DNAJB4: variants seen among roughly 807,000 people sequenced by gnomAD.
The protein encoded by DNAJB4 is DnaJ heat shock protein family (Hsp40) member B4.
In DNAJB4, 10 loss-of-function variants were observed where a neutral mutation model predicts 26.6. That is an observed-to-expected ratio of 0.38 (90% CI 0.23 to 0.64). The LOEUF is 0.64. Ranked by LOEUF, DNAJB4 falls within the 30% of genes least tolerant of loss-of-function variation. The pLI, the probability that DNAJB4 is intolerant of heterozygous loss-of-function variation, is 0.58. For missense variants in DNAJB4, 328 were observed against 408.2 expected, an observed-to-expected ratio of 0.80 and a Z score of 1.69; for synonymous variants, 136 against 134.8, an observed-to-expected ratio of 1.01 and a Z score of -0.06.
chr1:77,999,430 GTTTTT>G (rs35421680), intron 1 of DNAJB4, among the ~76,000 whole-genome samples: 1 of 145,138 alleles, frequency 6.9e-6, no homozygotes, highest in East Asian at 2.0e-4. Context: ...CATAGAACAG[GTTTTT>G]TTTTTTTTTA....
At chr1:78,002,434 C>T (rs1353687800), upstream of DNAJB4, among the ~76,000 whole-genome samples, 1 of 152,092 alleles carries the variant, frequency 6.6e-6, no homozygotes, top group African/African-American at 2.4e-5. Context: ...TAAAATATCT[C>T]CAAAATGCTA....
intron 1 of DNAJB4, among the ~76,000 whole-genome samples, chr1:77,987,354 C>T (rs940406570): frequency 3.9e-5 from 6 of 152,192 alleles, no homozygotes; most frequent in Non-Finnish European, 7.3e-5. Context: ...GCCTTGAGCT[C>T]TTGGGCTCAA....
intron 1 of DNAJB4, among the ~76,000 whole-genome samples, chr1:77,998,620 G>A (rs1435381275): frequency 1.3e-5 from 2 of 152,018 alleles, no homozygotes; most frequent in Admixed American, 6.6e-5. Flanking sequence ...TGGGTGGATC[G>A]CTTAAGCCCA....
chr1:77,984,355 G>A (rs1451921333), intron 1 of DNAJB4, among the ~76,000 whole-genome samples: 1 of 152,154 alleles, frequency 6.6e-6, no homozygotes, highest in East Asian at 1.9e-4. Flanking sequence ...CTAAGGCAGA[G>A]TTTCTTAACA....
chr1:77,989,868 G>T (rs1265775954), intron 1 of DNAJB4, among the ~76,000 whole-genome samples: 1 of 152,210 alleles, frequency 6.6e-6, no homozygotes, highest in African/African-American at 2.4e-5. Context: ...CTTTAGGATT[G>T]TAAGAATTTC....
chr1:77,980,286 T>C (rs1238652343), exon 1 of DNAJB4: 4 of 151,942 alleles, frequency 2.6e-5, no homozygotes, highest in Non-Finnish European at 5.9e-5. Flanking sequence ...GGTACTCAAA[T>C]GTAAGATCAT....
chr1:78,001,448 G>T (rs1341762176), upstream of DNAJB4, among the ~76,000 whole-genome samples: 1 of 152,086 alleles, frequency 6.6e-6, no homozygotes, highest in African/African-American at 2.4e-5. Flanking sequence ...GAAGTCATTT[G>T]TCCTCCAGCA....
At chr1:77,992,443 TAAC>T (rs1327944135) in intron 1 of DNAJB4, among the ~76,000 whole-genome samples, 1 of 105,012 alleles carries the variant, frequency 9.5e-6, no homozygotes, top group East Asian at 3.1e-4. Flanking sequence ...AAAAAGAACA[TAAC>T]AAATGAGAAT....
intron 2 of DNAJB4, among the ~76,000 whole-genome samples, chr1:78,013,990 TTA>T (rs1288692908): frequency 1.3e-5 from 2 of 151,978 alleles, no homozygotes; most frequent in Admixed American, 6.6e-5. Flanking sequence ...AGAAAATAAT[TTA>T]TAATTCACTA....
At chr1:77,983,060 G>C (rs1659699145) in intron 1 of DNAJB4, among the ~76,000 whole-genome samples, 1 of 152,178 alleles carries the variant, frequency 6.6e-6, no homozygotes, top group African/African-American at 2.4e-5. Context: ...GATCATTCGT[G>C]GGTGTTTCTC....
chr1:77,987,050 G>T (rs1420063143), intron 1 of DNAJB4, among the ~76,000 whole-genome samples: 2 of 152,188 alleles, frequency 1.3e-5, no homozygotes, highest in African/African-American at 4.8e-5. Context: ...GTCCTGACCA[G>T]AGTTGAGTCA....
chr1:78,011,740 T>C (rs1055661785), intron 1 of DNAJB4, among the ~76,000 whole-genome samples: 3 of 152,000 alleles, frequency 2.0e-5, no homozygotes, highest in African/African-American at 7.2e-5. Context: ...CGACTCGGCC[T>C]CCCAAAGTGC....
chr1:77,990,401 A>G (rs1366797541), intron 1 of DNAJB4, among the ~76,000 whole-genome samples: 2 of 152,204 alleles, frequency 1.3e-5, no homozygotes, highest in Non-Finnish European at 2.9e-5. Flanking sequence ...AGTTCAGAAT[A>G]TCTCCTGGAT....
rs114529605 is a variant in DNAJB4 at position 77,999,178 on chromosome 1, G to C, written c.-31-5902G>C. ...TAATTTGATTTTATATAACTATTTA[G>C]ATATTATCTTAAAAACAGGTGAAAC... On this transcript the variant is annotated intron_variant, in intron 1 of 2. Transcript: ENST00000426517. Among the ~76,000 whole-genome samples, 400 of 152,206 alleles carry C rather than the reference G, an allele frequency of 2.6e-3. 4 individuals carry two copies. The highest frequency in any genetic ancestry group is 9.3e-3 in the African/African-American group (386 of 41,530).
rs1056481958 is a variant in DNAJB4, at chr1:78,017,711, CT to C, written c.*1465del. ...GAAAACACTACCATCTACTTTTCAT[CT>C]GTATGGATTTGTCTGTTCTGGACAT... On this transcript the variant is annotated 3_prime_UTR_variant, in exon 3 of 3. Coordinates refer to ENST00000370763, the MANE Select transcript of DNAJB4 (RefSeq NM_007034.5). 4.6e-5 allele frequency: 7 copies of C among 151,376 alleles called. No homozygotes were observed. Among genetic ancestry groups the C allele is most frequent in the African/African-American group, 1.5e-4 (6 of 41,254 alleles). 9.4% of individuals were successfully genotyped at this position (151,376 alleles called of 1,614,324 possible). A position where few individuals can be genotyped will look rare whatever the true frequency, so the allele number is the denominator to read the frequency against.
chr1:78,000,108 G>A (rs1233952807), upstream of DNAJB4, among the ~76,000 whole-genome samples: 1 of 152,144 alleles, frequency 6.6e-6, no homozygotes, highest in Non-Finnish European at 1.5e-5. Flanking sequence ...GGAATATTTA[G>A]AAATACCAAT....
intron 1 of DNAJB4, among the ~76,000 whole-genome samples, chr1:77,988,095 G>A (rs1441740742): frequency 6.8e-6 from 1 of 146,084 alleles, no homozygotes; most frequent in Non-Finnish European, 1.5e-5. Context: ...TATAATCAGA[G>A]CTCACTGTAA....
chr1:78,002,093 A>G (rs138825806), upstream of DNAJB4, among the ~76,000 whole-genome samples: 2,632 of 152,286 alleles, frequency 0.017, 33 homozygotes, highest in Middle Eastern at 0.061. Context: ...AATATTCCAT[A>G]TAGACTATTT....
At chr1:77,997,521 G>A (rs1571433175) in intron 1 of DNAJB4, among the ~76,000 whole-genome samples, 2 of 151,792 alleles carry the variant, frequency 1.3e-5, no homozygotes, top group South Asian at 2.1e-4. Context: ...AAAAAACTTC[G>A]AACAATCTGA....
Sources: allele counts gnomAD v4.1 joint callset (sites outside exome capture counted in the v4.1 genomes callset), GRCh38; gene constraint gnomAD v4.1.1; transcripts MANE v1.5; gene names NCBI Gene and HGNC (gene_info 2026-07-23, HGNC 2026-07-21).